Variants in DOCK8 observed in about 807,000 individuals in gnomAD.
DOCK8 encodes dedicator of cytokinesis protein 8.
A neutral mutation model predicts 245.6 loss-of-function variants in DOCK8; 141 were observed. The observed-to-expected ratio is 0.57, with a 90% CI of 0.50 to 0.66. The LOEUF (loss-of-function observed/expected upper bound fraction) is 0.66, where lower values mean the gene tolerates loss of function less well. Ranked by LOEUF, DOCK8 falls within the 30% of genes least tolerant of loss-of-function variation. The probability of loss-of-function intolerance (pLI) is 0.00; values close to 1 mark genes in which losing one functional copy is unlikely to be tolerated. For synonymous variants in DOCK8, 1,168 were observed against 970.2 expected, an observed-to-expected ratio of 1.20 and a Z score of -3.79; for missense variants, 2,965 against 2,603.4, an observed-to-expected ratio of 1.14 and a Z score of -3.02.
intron 23 of DOCK8, among the ~76,000 whole-genome samples, chr9:388,872 C>T (rs1002841151): frequency 2.0e-5 from 3 of 152,042 alleles, no homozygotes; most frequent in Non-Finnish European, 4.4e-5. Context: ...ATAATTTAAA[C>T]GACTGTCAAG....
rs201765194 is a variant in DOCK8, at chr9:334,397, C to T, written c.1285+13C>T. 59 of 1,610,896 alleles carry T rather than the reference C, an allele frequency of 3.7e-5. No individual in the cohort carries two copies. The African/African-American group carries it at 6.3e-4, about 17-fold the overall frequency. ...GACTCTGTGGTTGGTAAGATTTTCA[C>T]CTGCAGTGGGAAAGGGAGGGCTCCC... On this transcript the variant is annotated intron_variant, in intron 11 of 47. Coordinates refer to ENST00000432829, the MANE Select transcript of DOCK8 (RefSeq NM_203447.4).
At chr9:345,232 A>G (rs1365128493) in intron 14 of DOCK8, among the ~76,000 whole-genome samples, 1 of 152,194 alleles carries the variant, frequency 6.6e-6, no homozygotes, top group African/African-American at 2.4e-5. Flanking sequence ...ATAACTGAAA[A>G]TGAAGATCTG....
intron 4 of DOCK8, among the ~76,000 whole-genome samples, chr9:303,114 C>G (rs1380144315): frequency 6.6e-6 from 1 of 151,600 alleles, no homozygotes; most frequent in African/African-American, 2.4e-5. Context: ...GAGCTATAAT[C>G]ACACCACTGC....
chr9:219,884 G>A (rs111880905), intron 1 of DOCK8, among the ~76,000 whole-genome samples: 116 of 152,150 alleles, frequency 7.6e-4, no homozygotes, highest in African/African-American at 2.7e-3. Flanking sequence ...GTGACAGAGC[G>A]AGACTCTATT....
intron 22 of DOCK8, among the ~76,000 whole-genome samples, chr9:384,981 A>T (rs2053890769): frequency 6.6e-6 from 1 of 152,184 alleles, no homozygotes. Context: ...GATGCTGATG[A>T]TCTGTAGTTT....
intron 14 of DOCK8, among the ~76,000 whole-genome samples, chr9:349,847 G>C (rs1369898629): frequency 6.6e-6 from 1 of 152,200 alleles, no homozygotes; most frequent in Non-Finnish European, 1.5e-5. Flanking sequence ...TTAGAATTCT[G>C]ATTCATTCTC....
At chr9:287,453 A>G (rs902578158) in intron 3 of DOCK8, among the ~76,000 whole-genome samples, 5 of 152,198 alleles carry the variant, frequency 3.3e-5, no homozygotes, top group South Asian at 2.1e-4. Context: ...GACAGGTTCC[A>G]TCTTCTCATC....
chr9:258,098 C>T (rs1427690152), intron 1 of DOCK8, among the ~76,000 whole-genome samples: 1 of 114,694 alleles, frequency 8.7e-6, no homozygotes, highest in Non-Finnish European at 1.9e-5. Flanking sequence ...CCATAAGTTC[C>T]ATAGTTTATT....
chr9:289,624 T>G, intron 4 of DOCK8, 43 bp downstream of exon 4: 1 of 1,487,320 alleles, frequency 6.7e-7, no homozygotes, highest in Non-Finnish European at 9.2e-7. Flanking sequence ...AATATTAATT[T>G]TATATTGCTA....
intron 4 of DOCK8, among the ~76,000 whole-genome samples, chr9:291,084 GT>G: frequency 6.6e-6 from 1 of 152,240 alleles, no homozygotes; most frequent in Non-Finnish European, 1.5e-5. Flanking sequence ...AGAACAAGTT[GT>G]TCTCAAGTTT....
intron 17 of DOCK8, among the ~76,000 whole-genome samples, chr9:371,984 A>C (rs2053306495): frequency 6.6e-6 from 1 of 152,224 alleles, no homozygotes; most frequent in South Asian, 2.1e-4. Context: ...TAGCTCCAAA[A>C]GCAATAAATC....
At chr9:232,509 G>A (rs2047139890) in intron 1 of DOCK8, among the ~76,000 whole-genome samples, 1 of 152,180 alleles carries the variant, frequency 6.6e-6, no homozygotes, top group African/African-American at 2.4e-5. Context: ...GAATTTGGCT[G>A]TGAATCCATC....
rs533084552 is a variant in DOCK8, at chr9:386,202, A to G, written c.2779-129A>G. ...CTTTGTTTTATATTTACTTATGGCAATTGTTTTACCTTTGTAACCAGGAAA... is the reference window on the plus strand; with the variant it reads ...CTTTGTTTTATATTTACTTATGGCAGTTGTTTTACCTTTGTAACCAGGAAA... On this transcript the variant is annotated intron_variant, in intron 22 of 47. Transcript: ENST00000432829. 1.6e-5 allele frequency: 12 copies of G among 757,202 alleles called. No individual in the cohort carries two copies. The East Asian group carries it at 1.7e-4, about 11-fold the overall frequency. The allele number at this position is 757,202 out of a possible 1,614,324, so 46.9% of individuals were successfully genotyped here.
chr9:420,639 GTCT>G (rs1182990710), intron 31 of DOCK8, 56 bp downstream of exon 31: 37 of 1,604,300 alleles, frequency 2.3e-5, no homozygotes, highest in Non-Finnish European at 3.2e-5. Flanking sequence ...TTGCAATTCT[GTCT>G]TCTTACTCAT....
intron 7 of DOCK8, among the ~76,000 whole-genome samples, chr9:319,916 A>C (rs2130773586): frequency 6.6e-6 from 1 of 152,380 alleles, no homozygotes; most frequent in Middle Eastern, 3.4e-3. Context: ...GTGAAACTTT[A>C]ATGTGCAGAA....
intron 14 of DOCK8, among the ~76,000 whole-genome samples, chr9:360,694 T>C (rs76119026): frequency 0.011 from 1,709 of 152,334 alleles, 37 homozygotes; most frequent in African/African-American, 0.039. Context: ...TTTTGTGGAA[T>C]CTTAAGTTGT....
chr9:252,961 A>C (rs1587667570), intron 1 of DOCK8, among the ~76,000 whole-genome samples: 1 of 152,236 alleles, frequency 6.6e-6, no homozygotes, highest in Admixed American at 6.5e-5. Flanking sequence ...CCCAAAGCAC[A>C]GAGTGTTTTA....
At chr9:439,154 C>T (rs1325959601) in intron 39 of DOCK8, 91 bp from the exon 40 acceptor site, 11 of 1,540,508 alleles carry the variant, frequency 7.1e-6, no homozygotes, top group Non-Finnish European at 9.9e-6. Context: ...GATCTGCACA[C>T]CAGCTTCCTC....
intron 1 of DOCK8, among the ~76,000 whole-genome samples, chr9:216,018 G>A (rs1041463813): frequency 1.3e-5 from 2 of 152,184 alleles, no homozygotes; most frequent in African/African-American, 4.8e-5. Context: ...TGCTGTTAGT[G>A]TGTGAAGAGG....
Sources: gnomAD v4.1 joint callset for allele counts (sites outside exome capture counted in the v4.1 genomes callset) on GRCh38, gnomAD v4.1.1 for gene constraint, MANE v1.5 for transcripts, NCBI Gene and HGNC (gene_info 2026-07-23, HGNC 2026-07-21) for gene names.